The following RASAL2 variants were observed in gnomAD, a reference collection of about 807,000 sequenced individuals.
The protein encoded by RASAL2 is ras GTPase-activating protein nGAP.
In RASAL2, 58 loss-of-function variants were observed where a neutral mutation model predicts 128.9. The observed-to-expected ratio is 0.45, with a 90% CI of 0.36 to 0.56. The LOEUF (loss-of-function observed/expected upper bound fraction) is 0.56, where lower values mean the gene tolerates loss of function less well. Ranked by LOEUF, RASAL2 falls within the 20% of genes least tolerant of loss-of-function variation. The pLI is 0.00. For missense variants in RASAL2, 1,360 were observed against 1,601.6 expected (o/e 0.85, Z 2.57); for synonymous variants, 561 against 580.8 (o/e 0.97, Z 0.49).
chr1:178,190,547 C>T (rs1253518770), intron 1 of RASAL2, among the ~76,000 whole-genome samples: 1 of 152,106 alleles, frequency 6.6e-6, no homozygotes, highest in African/African-American at 2.4e-5. Flanking sequence ...AAAAAGAAAG[C>T]TGCTACTGAT....
intron 1 of RASAL2, among the ~76,000 whole-genome samples, chr1:178,259,695 G>A (rs1665566688): frequency 6.6e-6 from 1 of 152,144 alleles, no homozygotes; most frequent in African/African-American, 2.4e-5. Context: ...CCCAGTAGCT[G>A]GGACTACAGG....
intron 5 of RASAL2, among the ~76,000 whole-genome samples, chr1:178,431,990 G>A (rs1400186506): frequency 6.6e-6 from 1 of 150,656 alleles, no homozygotes; most frequent in Non-Finnish European, 1.5e-5. Context: ...ATATTTCTGG[G>A]TTCACAAAAA....
chr1:178,420,195 GTTATATT>G (rs1557974940), intron 4 of RASAL2, among the ~76,000 whole-genome samples: 4 of 152,102 alleles, frequency 2.6e-5, no homozygotes, highest in African/African-American at 9.7e-5. Flanking sequence ...ATTTGTGTAT[GTTATATT>G]GTTGTGCTTT....
intron 3 of RASAL2, among the ~76,000 whole-genome samples, chr1:178,317,326 T>G (rs1374008540): frequency 6.8e-6 from 1 of 147,234 alleles, no homozygotes; most frequent in African/African-American, 2.6e-5. Context: ...TAGGGAGGAT[T>G]CTCTCTTTTT....
chr1:178,424,917 A>G (rs1675423819), intron 5 of RASAL2, among the ~76,000 whole-genome samples: 1 of 152,224 alleles, frequency 6.6e-6, no homozygotes, highest in Non-Finnish European at 1.5e-5. Context: ...ATCCAAATGT[A>G]TTGATATACA....
chr1:178,183,582 A>G (rs1301845908), intron 1 of RASAL2, among the ~76,000 whole-genome samples: 2 of 152,232 alleles, frequency 1.3e-5, no homozygotes, highest in Non-Finnish European at 2.9e-5. Context: ...TGTTAAAATC[A>G]TAGAGTATGT....
chr1:178,470,620 T>C, intron 17 of RASAL2: 2 of 1,215,396 alleles, frequency 1.6e-6, no homozygotes, highest in Non-Finnish European at 2.2e-6. Context: ...AGAGAAGGGC[T>C]TCCTCCTATG....
intron 3 of RASAL2, among the ~76,000 whole-genome samples, chr1:178,346,395 T>C (rs1670156063): frequency 6.7e-6 from 1 of 149,864 alleles, no homozygotes; most frequent in African/African-American, 2.5e-5. Context: ...AGCAAAACCT[T>C]GTATCTTTAA....
intron 3 of RASAL2, among the ~76,000 whole-genome samples, chr1:178,340,419 T>C (rs759411145): frequency 6.6e-6 from 1 of 152,144 alleles, no homozygotes; most frequent in Non-Finnish European, 1.5e-5. Context: ...TAATGAAGAT[T>C]ACATAGTTGA....
chr1:178,283,760 T>A, intron 2 of RASAL2, 69 bp downstream of exon 2: 1 of 1,577,852 alleles, frequency 6.3e-7, no homozygotes, highest in Non-Finnish European at 8.7e-7. Context: ...ACCTAGTTTT[T>A]GTTTGCATTT....
chr1:178,396,237 C>T (rs1673218539), intron 4 of RASAL2, among the ~76,000 whole-genome samples: 1 of 152,172 alleles, frequency 6.6e-6, no homozygotes. Context: ...GAGATTCCAA[C>T]TTACCCTAAC....
At position 178,439,513 on chromosome 1, in the gene RASAL2, G is replaced by A; in HGVS notation, c.766G>A (p.Gly256Arg). The change falls in exon 6 of 18, where the codon GGG becomes AGG. Residue 256 changes from glycine to arginine, a missense_variant. Transcript: ENST00000367649. ...STVECLDLGR[G>R]EPVSVKPLHS... ...AGTGGAATGTCTGGATCTTGGTAGA[G>A]GGGAACCTGTATCAGTGAAACCACT... The A allele has an allele frequency of 6.2e-7, 1 of 1,612,960 alleles. No homozygotes were observed. Among genetic ancestry groups the A allele is most frequent in the South Asian group, 1.1e-5 (1 of 91,032 alleles).
chr1:178,451,340 T>C (rs1241026581), intron 9 of RASAL2, among the ~76,000 whole-genome samples: 1 of 152,182 alleles, frequency 6.6e-6, no homozygotes, highest in Non-Finnish European at 1.5e-5. Flanking sequence ...ATGATGTTAG[T>C]GATTGCTGTT....
intron 1 of RASAL2, among the ~76,000 whole-genome samples, chr1:178,193,676 T>G (rs1662563875): frequency 6.6e-6 from 1 of 152,222 alleles, no homozygotes; most frequent in African/African-American, 2.4e-5. Context: ...AATGTCCTGT[T>G]TGGAACGGAG....
In RASAL2 at chr1:178,443,027, C is replaced by T. The variant is rs1264769789; in HGVS notation, c.1280C>T (p.Thr427Ile). 2.5e-6 allele frequency: 4 copies of T among 1,614,056 alleles called. No individual in the cohort carries two copies. Among genetic ancestry groups the T allele is most frequent in the South Asian group, 2.2e-5 (2 of 91,080 alleles). Residue 427 changes from threonine (T) to isoleucine (I), a missense_variant, in exon 8 of 18, where the codon ACA (threonine) becomes ATA (isoleucine). Around this residue, in one of 3 missense-constraint regions of RASAL2, gnomAD observed 617 missense variants for 714.2 expected, o/e 0.86. Coordinates refer to ENST00000367649, the MANE Select transcript of RASAL2 (RefSeq NM_170692.4). ...ACACCTACACCCAACAAAGGAAAGA[C>T]AGGAGGACCTTCTATTCGGATTAAA... is the stretch of plus-strand genomic sequence containing the variant. ...VSTPTPNKGK[T>I]GGPSIRIKSR...
Position 178,342,729 on chromosome 1 carries a change from C to T in RASAL2, c.457+42611C>T, listed in dbSNP as rs186515856. On this transcript the variant is annotated intron_variant, in intron 3 of 17. Coordinates refer to ENST00000367649, the MANE Select transcript of RASAL2 (RefSeq NM_170692.4). Reference sequence around the variant, plus strand: ...TGTAATGTATCTGTTTTACTGAAAGCAAATCGTATTCACTGCCTTTGTTAT... The same window carrying T: ...TGTAATGTATCTGTTTTACTGAAAGTAAATCGTATTCACTGCCTTTGTTAT... Among the ~76,000 whole-genome samples, 33 of 152,220 alleles carry T rather than the reference C, an allele frequency of 2.2e-4. No individual in the cohort carries two copies. The East Asian group carries it at 5.0e-3, about 23-fold the overall frequency.
At chr1:178,464,688 C>T (rs956760831) in intron 15 of RASAL2, among the ~76,000 whole-genome samples, 6 of 151,272 alleles carry the variant, frequency 4.0e-5, no homozygotes. Context: ...AGAGGACACT[C>T]TACTATTCAT....
At chr1:178,152,930 A>G (rs941295562) in intron 1 of RASAL2, among the ~76,000 whole-genome samples, 2 of 152,220 alleles carry the variant, frequency 1.3e-5, no homozygotes, top group African/African-American at 4.8e-5. Context: ...TATCATTATT[A>G]TATCCCTCCA....
intron 1 of RASAL2, among the ~76,000 whole-genome samples, chr1:178,223,276 G>A (rs566505077): frequency 4.9e-4 from 74 of 152,226 alleles, no homozygotes; most frequent in Middle Eastern, 3.4e-3. Flanking sequence ...CAATTACAAC[G>A]CCACAGCTGT....
Sources: allele counts gnomAD v4.1 joint callset (sites outside exome capture counted in the v4.1 genomes callset), GRCh38; gene constraint gnomAD v4.1.1; regional missense constraint gnomAD v4.1.1; transcripts MANE v1.5; gene names NCBI Gene and HGNC (gene_info 2026-07-23, HGNC 2026-07-21).